DRG1: variants seen among roughly 807,000 people sequenced by gnomAD.
DRG1 encodes developmentally-regulated GTP-binding protein 1.
In DRG1, 19 loss-of-function variants were observed where a neutral mutation model predicts 38.8. That is an observed-to-expected ratio of 0.49 (90% CI 0.34 to 0.72). DRG1 has a LOEUF of 0.72. Among genes scored for constraint, DRG1 ranks in the 30% least tolerant of loss-of-function variants. The pLI is 0.01. For missense variants in DRG1, 299 were observed against 444.8 expected (o/e 0.67, Z 2.95); for synonymous variants, 167 against 157.5 (o/e 1.06, Z -0.45).
chr22:31,411,373 A>G (rs910722137), intron 4 of DRG1, among the ~76,000 whole-genome samples: 2 of 152,072 alleles, frequency 1.3e-5, no homozygotes, highest in African/African-American at 4.8e-5. Flanking sequence ...AGCTTTAGAC[A>G]TTTTATATGG....
chr22:31,415,153 G>C (rs2050037622), intron 4 of DRG1, among the ~76,000 whole-genome samples: 1 of 152,142 alleles, frequency 6.6e-6, no homozygotes, highest in South Asian at 2.1e-4. Context: ...TGTTTTTCAA[G>C]TATTTCTCTT....
chr22:31,422,775 T>A (rs1245489166), intron 5 of DRG1, among the ~76,000 whole-genome samples: 1 of 152,238 alleles, frequency 6.6e-6, no homozygotes, highest in Non-Finnish European at 1.5e-5. Context: ...GATGGGTGGC[T>A]TAAATAACAG....
chr22:31,429,164 G>A (rs1283527416), intron 8 of DRG1, among the ~76,000 whole-genome samples: 1 of 152,136 alleles, frequency 6.6e-6, no homozygotes, highest in African/African-American at 2.4e-5. Flanking sequence ...CTAGCCATAG[G>A]CTGGAGTGTA....
chr22:31,400,704 A>T lies in DRG1; in HGVS notation c.127A>T (p.Ile43Phe), dbSNP rs143000666. The change falls in exon 2 of 9, where the codon ATT becomes TTT. Residue 43 changes from isoleucine (I) to phenylalanine (F), a missense_variant. By Grantham distance (21) the Ile-to-Phe change is conservative. Coordinates refer to ENST00000331457, the MANE Select transcript of DRG1 (RefSeq NM_004147.4). Reference protein sequence around the residue: ...ARLAKLRRELITPKGGGGGGP... With the variant: ...ARLAKLRRELFTPKGGGGGGP... Reference sequence around the variant, plus strand: ...TCTTGCTAAGCTTCGTCGAGAACTCATTACTCCAAAGGGTGGTGGTGGTGG... The same window carrying T: ...TCTTGCTAAGCTTCGTCGAGAACTCTTTACTCCAAAGGGTGGTGGTGGTGG... 4 of 1,613,258 alleles carry T rather than the reference A, an allele frequency of 2.5e-6. No homozygotes were observed. The African/African-American group carries it at 4.0e-5, about 16-fold the overall frequency.
chr22:31,416,194 T>C (rs1379583801), intron 4 of DRG1, among the ~76,000 whole-genome samples: 2 of 152,044 alleles, frequency 1.3e-5, no homozygotes, highest in African/African-American at 4.8e-5. Flanking sequence ...GGAGGATCAC[T>C]TGAACCTGGG....
rs1488404366 is a variant in DRG1 at position 31,431,028 on chromosome 22, C to A, written c.1005-2844C>A. ...CCACTGCACCCGGCCTTCCCCCCCC[C>A]CCCCCGCTTTTTTTTTTTTTTTTTT... On this transcript the variant is annotated intron_variant, in intron 8 of 8. Coordinates refer to ENST00000331457, the MANE Select transcript of DRG1 (RefSeq NM_004147.4). 3.4e-4 allele frequency among the ~76,000 whole-genome samples: 41 copies of A among 120,540 alleles called. No homozygotes were observed. The East Asian group carries it at 6.3e-3, about 18-fold the overall frequency. 79.1% of individuals were successfully genotyped at this position (120,540 alleles called of 152,430 possible).
chr22:31,407,791 A>T (rs569279568), intron 3 of DRG1, among the ~76,000 whole-genome samples: 1 of 149,378 alleles, frequency 6.7e-6, no homozygotes, highest in East Asian at 2.0e-4. Flanking sequence ...TATTTCTGTA[A>T]TTTCTTATAT....
At chr22:31,425,865 C>T (rs1433539441) in intron 6 of DRG1, among the ~76,000 whole-genome samples, 1 of 152,126 alleles carries the variant, frequency 6.6e-6, no homozygotes, top group African/African-American at 2.4e-5. Context: ...TGTACTTACT[C>T]CTCATTTGAA....
intron 6 of DRG1, 125 bp from the exon 7 acceptor site, chr22:31,426,490 G>T: frequency 1.3e-6 from 1 of 751,736 alleles, no homozygotes; most frequent in Admixed American, 2.8e-5. Flanking sequence ...TTTTCTGGCT[G>T]ATCTGCTACT....
At position 31,434,161 on chromosome 22, in the gene DRG1, T is replaced by G; in HGVS notation, c.*190T>G. The stretch of plus-strand genomic sequence containing the variant: ...CTTGTATGTCGAACTGCATAAAAGA[T>G]CTGGTAGGCTGGTCAGCTACATGCA... On this transcript the variant is annotated 3_prime_UTR_variant, in exon 9 of 9. Coordinates refer to ENST00000331457, the MANE Select transcript of DRG1 (RefSeq NM_004147.4). 1 of 555,046 alleles carries G rather than the reference T, an allele frequency of 1.8e-6. No homozygotes were observed. The highest frequency in any genetic ancestry group is 3.1e-5 in the East Asian group (1 of 31,962). The allele number at this position is 555,046 out of a possible 1,614,324, so 34.4% of individuals were successfully genotyped here. A position where few individuals can be genotyped will look rare whatever the true frequency, so the allele number is the denominator to read the frequency against.
intron 8 of DRG1, among the ~76,000 whole-genome samples, chr22:31,429,464 T>G (rs1379798095): frequency 2.6e-5 from 4 of 152,136 alleles, no homozygotes; most frequent in Non-Finnish European, 4.4e-5. Context: ...TACATTTATT[T>G]ATTGGACTTC....
chr22:31,422,679 T>C (rs1310668790), intron 5 of DRG1, among the ~76,000 whole-genome samples: 1 of 152,242 alleles, frequency 6.6e-6, no homozygotes, highest in Non-Finnish European at 1.5e-5. Flanking sequence ...AAAACATCTT[T>C]CCCATTATCC....
At position 31,433,885 on chromosome 22, in the gene DRG1, G is replaced by A; in HGVS notation, c.1018G>A (p.Gly340Ser). ...IKEFKYALVW[G>S]LSVKHNPQKV... is the part of the protein sequence containing the mutation. ...CCTTCCATGCAGTGCTCTGGTCTGGGGTCTCTCTGTGAAACACAATCCTCA... is the reference window on the plus strand; with the variant it reads ...CCTTCCATGCAGTGCTCTGGTCTGGAGTCTCTCTGTGAAACACAATCCTCA... The change falls in exon 9 of 9, where the codon GGT becomes AGT. Residue 340 changes from glycine (G) to serine (S), a missense_variant. By Grantham distance (56) the Gly-to-Ser change is moderately conservative. Transcript: ENST00000331457. The A allele has an allele frequency of 6.2e-7, 1 of 1,614,052 alleles. No homozygotes were observed. Among genetic ancestry groups the A allele is most frequent in the Non-Finnish European group, 8.5e-7 (1 of 1,179,928 alleles).
At chr22:31,425,425 T>C (rs1012752261) in intron 6 of DRG1, among the ~76,000 whole-genome samples, 2 of 151,254 alleles carry the variant, frequency 1.3e-5, no homozygotes, top group African/African-American at 4.8e-5. Flanking sequence ...TGAATATCTG[T>C]TTCATGATAC....
intron 8 of DRG1, among the ~76,000 whole-genome samples, chr22:31,427,900 G>A (rs1422896849): frequency 3.3e-5 from 5 of 151,900 alleles, no homozygotes; most frequent in Non-Finnish European, 5.9e-5. Flanking sequence ...ACCATGCCCA[G>A]CTAATTTTGT....
intron 8 of DRG1, among the ~76,000 whole-genome samples, chr22:31,428,182 AC>A (rs2050121079): frequency 6.6e-6 from 1 of 150,808 alleles, no homozygotes. Flanking sequence ...CTTATTTTAG[AC>A]CAATAGCAAA....
chr22:31,400,441 T>A (rs2049954730), intron 1 of DRG1, among the ~76,000 whole-genome samples, 179 bp from the exon 2 acceptor site: 1 of 152,094 alleles, frequency 6.6e-6, no homozygotes, highest in Non-Finnish European at 1.5e-5. Context: ...CTTTGGGCTT[T>A]GCTTTGCTTT....
At position 31,399,730 on chromosome 22, in the gene DRG1, T is replaced by C. The variant is rs1178889098; in HGVS notation, c.42+5T>C. 1 of 1,613,834 alleles carries C rather than the reference T, an allele frequency of 6.2e-7. No individual in the cohort carries two copies. The highest frequency in any genetic ancestry group is 8.5e-7 in the Non-Finnish European group (1 of 1,179,866). On this transcript the variant is annotated splice_donor_5th_base_variant and intron_variant, in intron 1 of 8. Coordinates refer to ENST00000331457, the MANE Select transcript of DRG1 (RefSeq NM_004147.4). ...ATCGCGGAGATAGAAGCAGAGGTAA[T>C]GGACGCAGCTGGCGGTTCACTCTTA...
At chr22:31,411,410 G>C (rs2050017345) in intron 4 of DRG1, among the ~76,000 whole-genome samples, 1 of 152,096 alleles carries the variant, frequency 6.6e-6, no homozygotes, top group African/African-American at 2.4e-5. Flanking sequence ...TTCTGCTCTT[G>C]TGTGGGATCT....
Sources: gnomAD v4.1 joint callset for allele counts (sites outside exome capture counted in the v4.1 genomes callset) on GRCh38, gnomAD v4.1.1 for gene constraint, MANE v1.5 for transcripts, NCBI Gene and HGNC (gene_info 2026-07-23, HGNC 2026-07-21) for gene names.